SREK1IP1: variants seen among roughly 807,000 people sequenced by gnomAD.
SREK1IP1 encodes SREK1 interacting protein 1.
A neutral mutation model predicts 22.8 loss-of-function variants in SREK1IP1; 12 were observed. The ratio of observed to expected loss-of-function variants is 0.53; its 90% CI spans 0.34 to 0.85. The LOEUF is 0.85. SREK1IP1 is among the 40% of genes least tolerant of loss of function. The pLI is 0.02. For missense variants in SREK1IP1, 147 were observed against 171.8 expected (o/e 0.86, Z 0.81); for synonymous variants, 53 against 52.7 (o/e 1.01, Z -0.02).
intron 2 of SREK1IP1, among the ~76,000 whole-genome samples, chr5:64,751,625 C>G (rs1186613633): frequency 6.6e-6 from 1 of 152,182 alleles, no homozygotes. Context: ...TCTTTGGGCT[C>G]TACATAGTAA....
chr5:64,730,966 T>C (rs1742368060), intron 3 of SREK1IP1, among the ~76,000 whole-genome samples: 1 of 152,146 alleles, frequency 6.6e-6, no homozygotes, highest in East Asian at 1.9e-4. Flanking sequence ...GAATCTAAGC[T>C]AGATAAGGGG....
intron 4 of SREK1IP1, among the ~76,000 whole-genome samples, chr5:64,726,339 G>A (rs937993625): frequency 2.6e-5 from 4 of 151,974 alleles, no homozygotes; most frequent in Admixed American, 6.6e-5. Context: ...TATTTGGGAG[G>A]CTGAGGCAGG....
chr5:64,737,066 T>C (rs1485160999), intron 3 of SREK1IP1, among the ~76,000 whole-genome samples: 2 of 152,164 alleles, frequency 1.3e-5, no homozygotes, highest in Non-Finnish European at 2.9e-5. Context: ...GTTTACTTAC[T>C]AGGTTTTATA....
At chr5:64,729,792 G>A (rs1375935972) in intron 3 of SREK1IP1, among the ~76,000 whole-genome samples, 3 of 152,172 alleles carry the variant, frequency 2.0e-5, no homozygotes, top group African/African-American at 4.8e-5. Flanking sequence ...TTAAAATGTG[G>A]ATTGGTGGGA....
chr5:64,766,461 C>G (rs1308489218), intron 1 of SREK1IP1, among the ~76,000 whole-genome samples: 1 of 152,232 alleles, frequency 6.6e-6, no homozygotes, highest in African/African-American at 2.4e-5. Flanking sequence ...TCTCTCCTTA[C>G]CTATTGAGAC....
intron 3 of SREK1IP1, among the ~76,000 whole-genome samples, chr5:64,737,778 A>G (rs1196029634): frequency 6.6e-6 from 1 of 152,126 alleles, no homozygotes; most frequent in Non-Finnish European, 1.5e-5. Flanking sequence ...ATATAAATAT[A>G]TAACTATATA....
chr5:64,747,508 C>T (rs1342278739), intron 2 of SREK1IP1, among the ~76,000 whole-genome samples: 1 of 151,944 alleles, frequency 6.6e-6, no homozygotes, highest in Non-Finnish European at 1.5e-5. Context: ...ATATACATTT[C>T]TTATGATCAT....
chr5:64,755,650 A>T (rs1471967655), intron 1 of SREK1IP1, among the ~76,000 whole-genome samples: 1 of 152,108 alleles, frequency 6.6e-6, no homozygotes, highest in East Asian at 1.9e-4. Context: ...ACCATTATGC[A>T]ATATGTTCAG....
At chr5:64,747,899 C>A (rs1290648497) in intron 2 of SREK1IP1, among the ~76,000 whole-genome samples, 1 of 152,028 alleles carries the variant, frequency 6.6e-6, no homozygotes, top group Non-Finnish European at 1.5e-5. Context: ...CGCCACTGCA[C>A]TCCAGCCTGG....
intron 1 of SREK1IP1, chr5:64,754,844 A>C (rs1274934516): frequency 6.6e-6 from 1 of 152,468 alleles, no homozygotes; most frequent in African/African-American, 2.4e-5. Flanking sequence ...TGACTCTTAT[A>C]AATCAACAGA....
Position 64,758,414 on chromosome 5 carries a change from CATTGTACTCTAATCCCATTGT to C in SREK1IP1, c.14-4073_14-4053del, listed in dbSNP as rs573421422. Among the ~76,000 whole-genome samples the C allele has an allele frequency of 2.3e-3, 357 of 152,282 alleles. 2 individuals carry two copies. The highest frequency in any genetic ancestry group is 8.2e-3 in the African/African-American group (341 of 41,546). On this transcript the variant is annotated intron_variant, in intron 1 of 4. Coordinates refer to ENST00000513458, the MANE Select transcript of SREK1IP1 (RefSeq NM_173829.4). Reference sequence around the variant, plus strand: ...TTAATATGTCATTGAAGCTTTTGAGCATTGTACTCTAATCCCATTGTTTCCCTGTAAACCCTGTCATAGTTA... The same window carrying C: ...TTAATATGTCATTGAAGCTTTTGAGCTTCCCTGTAAACCCTGTCATAGTTA...
At chr5:64,768,063 G>A (rs1743084722) in intron 1 of SREK1IP1, among the ~76,000 whole-genome samples, 1 of 152,176 alleles carries the variant, frequency 6.6e-6, no homozygotes, top group Non-Finnish European at 1.5e-5. Context: ...ACAACAGGAA[G>A]AGCTAGGAGT....
At chr5:64,752,156 T>G (rs1580553101) in intron 2 of SREK1IP1, among the ~76,000 whole-genome samples, 2 of 139,816 alleles carry the variant, frequency 1.4e-5, no homozygotes, top group Admixed American at 1.4e-4. Context: ...GTTTTTTTTT[T>G]TTTTTTTTTT....
At position 64,757,861 on chromosome 5, in the gene SREK1IP1, CT is replaced by C. The variant is rs59456636; in HGVS notation, c.14-3500del. 5.0e-3 allele frequency among the ~76,000 whole-genome samples: 367 copies of C among 72,898 alleles called. 1 individual carries two copies. The highest frequency in any genetic ancestry group is 0.015 in the African/African-American group (290 of 18,848). The allele number at this position is 72,898 out of a possible 152,430, so 47.8% of individuals were successfully genotyped here. ...GCTACTGTTTCTATTAGGTTCCTAT[CT>C]TTTTTTTTTTTTTTTTTTTTTTTTT... On this transcript the variant is annotated intron_variant, in intron 1 of 4. Coordinates refer to ENST00000513458, the MANE Select transcript of SREK1IP1 (RefSeq NM_173829.4).
At position 64,726,856 on chromosome 5, in the gene SREK1IP1, A is replaced by G. The variant is rs1561382744; in HGVS notation, c.278+1251T>C. ...TGAAAAATAGAATGGTTGTATGGGT[A>G]CTTGAAGTACATTTCTACTGCACCA... On this transcript the variant is annotated intron_variant, in intron 4 of 4. Transcript: ENST00000513458. Among the ~76,000 whole-genome samples, 3 of 152,200 alleles carry G rather than the reference A, an allele frequency of 2.0e-5. No individual in the cohort carries two copies. The East Asian group carries it at 5.8e-4, about 29-fold the overall frequency.
chr5:64,762,320 A>G (rs1023480883), intron 1 of SREK1IP1, among the ~76,000 whole-genome samples: 32 of 152,156 alleles, frequency 2.1e-4, no homozygotes, highest in Non-Finnish European at 4.1e-4. Context: ...TTCATTTTTA[A>G]TTGGATTAGA....
chr5:64,754,243 C>CATT, intron 2 of SREK1IP1, 72 bp downstream of exon 2: 1 of 1,455,104 alleles, frequency 6.9e-7, no homozygotes, highest in South Asian at 1.1e-5. Context: ...CAGGGTGCTA[C>CATT]ATTATATTGC....
intron 3 of SREK1IP1, among the ~76,000 whole-genome samples, chr5:64,739,865 A>G (rs1742524343): frequency 6.6e-6 from 1 of 151,972 alleles, no homozygotes; most frequent in Non-Finnish European, 1.5e-5. Context: ...TGACTTCTTC[A>G]CTTACCTTAA....
At chr5:64,736,409 C>T (rs1269733046) in intron 3 of SREK1IP1, among the ~76,000 whole-genome samples, 1 of 151,756 alleles carries the variant, frequency 6.6e-6, no homozygotes, top group African/African-American at 2.4e-5. Flanking sequence ...TTTTTATTTA[C>T]GGTTATACCA....
Sources: gnomAD v4.1 joint callset for allele counts (sites outside exome capture counted in the v4.1 genomes callset) on GRCh38, gnomAD v4.1.1 for gene constraint, MANE v1.5 for transcripts, NCBI Gene and HGNC (gene_info 2026-07-23, HGNC 2026-07-21) for gene names.